The following RP1 variants were observed in gnomAD, a reference collection of about 807,000 sequenced individuals.
RP1 encodes the protein oxygen-regulated protein 1.
Under a neutral mutation model 14.8 loss-of-function variants are expected in RP1, and 16 were observed. That is an observed-to-expected ratio of 1.08 (90% CI 0.73 to 1.65). RP1 has a LOEUF of 1.65. RP1 is among the 40% of genes most tolerant of loss of function. The pLI, the probability that RP1 is intolerant of heterozygous loss-of-function variation, is 0.00. For missense variants in RP1, 2,631 were observed against 2,535.0 expected, an observed-to-expected ratio of 1.04 and a Z score of -0.81; for synonymous variants, 876 against 883.6, an observed-to-expected ratio of 0.99 and a Z score of 0.15.
At chr8:54,861,417 T>G (rs978586841) in intron 27 of RP1, among the ~76,000 whole-genome samples, 1 of 152,184 alleles carries the variant, frequency 6.6e-6, no homozygotes. Context: ...CATGATTTTT[T>G]TAACTCAACA....
At chr8:54,777,151 A>G (rs1810062043) in intron 23 of RP1, among the ~76,000 whole-genome samples, 1 of 152,242 alleles carries the variant, frequency 6.6e-6, no homozygotes, top group Non-Finnish European at 1.5e-5. Flanking sequence ...ATATCCATAA[A>G]GCACCTTGAA....
At chr8:54,741,705 G>A (rs75239075) in intron 19 of RP1, among the ~76,000 whole-genome samples, 1,050 of 75,386 alleles carry the variant, frequency 0.014, 24 homozygotes, top group African/African-American at 0.057. Flanking sequence ...ACAAATGTGT[G>A]TGTATATATA....
Position 54,626,629 on chromosome 8 carries a change from T to C in RP1, c.2747T>C (p.Ile916Thr), listed in dbSNP as rs1410655722. 1.2e-6 allele frequency: 2 copies of C among 1,613,796 alleles called. No individual in the cohort carries two copies. The highest frequency in any genetic ancestry group is 2.2e-5 in the South Asian group (2 of 91,050). Residue 916 changes from isoleucine (I) to threonine (T), a missense_variant, in exon 4 of 4, where the codon ATA (isoleucine) becomes ACA (threonine). Physicochemically the swap from Ile to Thr is moderately conservative, Grantham distance 89. Coordinates refer to ENST00000220676, the MANE Select transcript of RP1 (RefSeq NM_006269.2). ...GCTCATCATTCAATTCAAAATTATA[T>C]ACAGAGTTGGTTGCAGAACATAAAT... ...AIAHHSIQNYIQSWLQNINPY... is the reference protein window; with the variant it reads ...AIAHHSIQNYTQSWLQNINPY...
chr8:54,770,345 G>A (rs1314766305), downstream of RP1, among the ~76,000 whole-genome samples: 2 of 151,784 alleles, frequency 1.3e-5, no homozygotes, highest in Non-Finnish European at 2.9e-5. Context: ...GAAACTAACA[G>A]CAACTTTAGC....
Position 54,629,152 on chromosome 8 carries a change from C to A in RP1, c.5270C>A (p.Ser1757Ter). The change falls in exon 4 of 4, where the codon TCA becomes TAA. Residue 1757 changes from serine (S) to a stop codon, truncating the protein, a stop_gained. Coordinates refer to ENST00000220676, the MANE Select transcript of RP1 (RefSeq NM_006269.2). LOFTEE classifies it low-confidence loss of function (END_TRUNC). ...AAAGAAAATCATTTGCTAAGGATGT[C>A]ATCTGAAAATCCTGGCATGTGTGGC... The part of the protein sequence containing the change: ...LLKENHLLRM[S>*]SENPGMCGNA... 6.2e-7 allele frequency: 1 copy of A among 1,614,060 alleles called. No individual in the cohort carries two copies. The highest frequency in any genetic ancestry group is 1.1e-5 in the South Asian group (1 of 91,054).
chr8:54,582,453 T>A, intron 1 of RP1, among the ~76,000 whole-genome samples: 1 of 150,940 alleles, frequency 6.6e-6, no homozygotes, highest in Non-Finnish European at 1.5e-5. Flanking sequence ...TCCAGCTTTG[T>A]TCTTTTGCCT....
At chr8:54,778,452 G>C (rs936510131) in intron 23 of RP1, among the ~76,000 whole-genome samples, 1 of 151,360 alleles carries the variant, frequency 6.6e-6, no homozygotes, top group African/African-American at 2.4e-5. Context: ...AGCCTCCTGA[G>C]TAGCTGGGAC....
At chr8:54,866,344 T>G (rs1273831322) in intron 28 of RP1, among the ~76,000 whole-genome samples, 1 of 152,158 alleles carries the variant, frequency 6.6e-6, no homozygotes, top group African/African-American at 2.4e-5. Flanking sequence ...ATGTTATATA[T>G]GTGAACTGTG....
At chr8:54,736,689 G>T (rs1808934643) in intron 18 of RP1, among the ~76,000 whole-genome samples, 1 of 152,016 alleles carries the variant, frequency 6.6e-6, no homozygotes, top group Non-Finnish European at 1.5e-5. Flanking sequence ...TGGAGATTGG[G>T]TCTACACATG....
chr8:54,829,764 T>G (rs995827913), intron 24 of RP1, among the ~76,000 whole-genome samples: 7 of 152,184 alleles, frequency 4.6e-5, no homozygotes, highest in African/African-American at 1.7e-4. Flanking sequence ...CAGAGAGACT[T>G]TAATTCACTA....
chr8:54,740,403 TAAAAAAAAAA>T (rs34753388), intron 19 of RP1, among the ~76,000 whole-genome samples: 1 of 80,244 alleles, frequency 1.2e-5, no homozygotes, highest in African/African-American at 4.6e-5. Flanking sequence ...GCTTAAAAAG[TAAAAAAAAAA>T]AAAAAAAAAA....
chr8:54,583,885 C>T (rs1325904681), intron 1 of RP1, among the ~76,000 whole-genome samples: 1 of 152,044 alleles, frequency 6.6e-6, no homozygotes, highest in Non-Finnish European at 1.5e-5. Context: ...TTTGATTCTT[C>T]TCTCTTTTCT....
At chr8:54,812,762 C>CATCTATCTATCTATCTATCTATCT (rs58007600) in intron 24 of RP1, among the ~76,000 whole-genome samples, 2 of 145,164 alleles carry the variant, frequency 1.4e-5, no homozygotes, top group Non-Finnish European at 1.5e-5. Context: ...ATCTATCTAT[C>CATCTATCTATCTATCTATCTATCT]ATCTATCTAT....
intron 1 of RP1, among the ~76,000 whole-genome samples, chr8:54,585,562 A>T (rs1269578021): frequency 6.6e-6 from 1 of 152,222 alleles, no homozygotes; most frequent in African/African-American, 2.4e-5. Flanking sequence ...AGATTGGGGC[A>T]GTTCTCCTGG....
intron 17 of RP1, among the ~76,000 whole-genome samples, chr8:54,727,039 A>AGGGGACCATCTCTG (rs1460841790): frequency 2.0e-5 from 3 of 152,144 alleles, no homozygotes; most frequent in Non-Finnish European, 4.4e-5. Flanking sequence ...AAGATGAAAT[A>AGGGGACCATCTCTG]GGGGACCATC....
At chr8:54,820,644 G>A (rs898322040) in intron 24 of RP1, among the ~76,000 whole-genome samples, 4 of 152,136 alleles carry the variant, frequency 2.6e-5, no homozygotes, top group Non-Finnish European at 5.9e-5. Context: ...CATGCTGTAG[G>A]GGATGTGGAG....
intron 1 of RP1, among the ~76,000 whole-genome samples, chr8:54,594,708 T>C (rs982807495): frequency 1.3e-5 from 2 of 152,150 alleles, no homozygotes; most frequent in African/African-American, 4.8e-5. Flanking sequence ...ATGGAAAGAA[T>C]TGAAACACAG....
chr8:54,859,720 G>T (rs769706181), intron 27 of RP1, among the ~76,000 whole-genome samples: 3 of 152,090 alleles, frequency 2.0e-5, no homozygotes, highest in Admixed American at 6.6e-5. Context: ...CTGCAGAGTG[G>T]TGTCACTGTA....
At chr8:54,572,628 C>T (rs1048194115) in intron 1 of RP1, among the ~76,000 whole-genome samples, 2 of 152,186 alleles carry the variant, frequency 1.3e-5, no homozygotes, top group African/African-American at 4.8e-5. Context: ...AAATGAAGTG[C>T]TTTTCCTCTT....
Sources: allele counts gnomAD v4.1 joint callset (sites outside exome capture counted in the v4.1 genomes callset), GRCh38; gene constraint gnomAD v4.1.1; transcripts MANE v1.5; gene names NCBI Gene and HGNC (gene_info 2026-07-23, HGNC 2026-07-21).